The following NTN1 variants were observed in gnomAD, a reference collection of about 807,000 sequenced individuals.
NTN1 encodes the protein netrin 1, also known as netrin-1.
NTN1 carries 11 observed loss-of-function variants against 54.2 expected under a neutral mutation model. The observed-to-expected ratio is 0.20, with a 90% CI of 0.13 to 0.34. The LOEUF (loss-of-function observed/expected upper bound fraction) is 0.34. NTN1 is among the 10% of genes least tolerant of loss of function. The probability of loss-of-function intolerance (pLI) is 1.00; values close to 1 mark genes in which losing one functional copy is unlikely to be tolerated. For synonymous variants in NTN1, 371 were observed against 382.0 expected (o/e 0.97, Z 0.33); for missense variants, 740 against 893.1 (o/e 0.83, Z 2.18).
At chr17:9,071,205 G>C (rs1997095) in intron 2 of NTN1, among the ~76,000 whole-genome samples, 91,471 of 152,018 alleles carry the variant, frequency 0.6, 27,879 homozygotes, top group African/African-American at 0.7. Context: ...CCTGCTCTCT[G>C]TGGGGACAGA....
At chr17:9,182,838 T>C in intron 4 of NTN1, 78 bp from the exon 5 acceptor site, 1 of 1,434,644 alleles carries the variant, frequency 7.0e-7, no homozygotes, top group South Asian at 1.1e-5. Flanking sequence ...TGTGCTGGGC[T>C]CATTCTAAAG....
chr17:9,217,090 C>T lies in NTN1; in HGVS notation c.1412-4078C>T, dbSNP rs76962787. 9.1e-4 allele frequency among the ~76,000 whole-genome samples: 139 copies of T among 152,188 alleles called. 1 individual carries two copies. In the East Asian group the frequency reaches 0.015, roughly 17 times the overall value. On this transcript the variant is annotated intron_variant, in intron 5 of 6. Coordinates refer to ENST00000173229, the MANE Select transcript of NTN1 (RefSeq NM_004822.3). The stretch of plus-strand genomic sequence containing the variant: ...ATAAGGTGACATCTTTGCTGTACTG[C>T]TGTCCTTCTGGTCCCTAGTGGTCCT...
intron 2 of NTN1, among the ~76,000 whole-genome samples, chr17:9,074,194 T>C (rs1156274003): frequency 1.3e-5 from 2 of 152,178 alleles, no homozygotes; most frequent in Non-Finnish European, 2.9e-5. Flanking sequence ...GAGGGAAGCC[T>C]GACAGGGGCG....
At chr17:9,085,531 G>T (rs948254791) in intron 2 of NTN1, among the ~76,000 whole-genome samples, 24 of 152,214 alleles carry the variant, frequency 1.6e-4, no homozygotes, top group Non-Finnish European at 3.4e-4. Context: ...GTGGAGGATG[G>T]ATATTGGCAA....
At chr17:9,229,182 G>GTA (rs1905723006) in intron 6 of NTN1, among the ~76,000 whole-genome samples, 3 of 151,514 alleles carry the variant, frequency 2.0e-5, no homozygotes, top group Non-Finnish European at 4.4e-5. Context: ...GTGTGTGACT[G>GTA]TGCTCTCTTG....
intron 2 of NTN1, among the ~76,000 whole-genome samples, chr17:9,049,758 G>A (rs187923696): frequency 2.2e-4 from 33 of 152,262 alleles, no homozygotes; most frequent in African/African-American, 7.9e-4. Flanking sequence ...ACATGTGCGG[G>A]ACAGTTGGCA....
chr17:9,233,570 C>A (rs1905886531), intron 6 of NTN1, among the ~76,000 whole-genome samples: 1 of 151,952 alleles, frequency 6.6e-6, no homozygotes, highest in East Asian at 1.9e-4. Flanking sequence ...TGGGCCCGGA[C>A]TGGAACTGGG....
At chr17:9,055,259 AAAC>A (rs988608389) in intron 2 of NTN1, among the ~76,000 whole-genome samples, 1 of 152,140 alleles carries the variant, frequency 6.6e-6, no homozygotes, top group Non-Finnish European at 1.5e-5. Context: ...TCACTCACTC[AAAC>A]AACAACTGGT....
chr17:9,025,278 A>G (rs1446821148), intron 2 of NTN1, among the ~76,000 whole-genome samples: 1 of 152,256 alleles, frequency 6.6e-6, no homozygotes, highest in Non-Finnish European at 1.5e-5. Context: ...AATGATGGTC[A>G]TGCACTTGAA....
chr17:9,192,685 C>A (rs1208943432), intron 5 of NTN1, among the ~76,000 whole-genome samples: 3 of 152,206 alleles, frequency 2.0e-5, no homozygotes, highest in Non-Finnish European at 2.9e-5. Context: ...CACACATTCT[C>A]TCCAAAAGCA....
rs375467976 is a variant in NTN1, at chr17:9,162,874, G to A, written c.1080G>A (p.Ser360=). ...TCAACATGGAGCTCTACAAGCTTTCGGGGCGCAAGAGCGGAGGTGTCTGCC... is the reference window on the plus strand; with the variant it reads ...TCAACATGGAGCTCTACAAGCTTTCAGGGCGCAAGAGCGGAGGTGTCTGCC... ...CRFNMELYKL[S]GRKSGGVCLN... Residue 360 remains serine, a synonymous_variant, in exon 3 of 7, where the codon TCG becomes TCA. Transcript: ENST00000173229. The A allele has an allele frequency of 1.2e-4, 187 of 1,613,948 alleles. No individual in the cohort carries two copies. Among genetic ancestry groups the A allele is most frequent in the Middle Eastern group, 1.6e-4 (1 of 6,080 alleles).
chr17:9,223,360 T>G (rs1224529631), intron 6 of NTN1, among the ~76,000 whole-genome samples: 1 of 152,154 alleles, frequency 6.6e-6, no homozygotes, highest in Non-Finnish European at 1.5e-5. Flanking sequence ...GAGACCAGCC[T>G]GGCCAACATG....
intron 2 of NTN1, among the ~76,000 whole-genome samples, chr17:9,157,332 A>T (rs559609101): frequency 1.3e-5 from 2 of 152,336 alleles, no homozygotes; most frequent in East Asian, 3.9e-4. Flanking sequence ...AGAGCTGGGA[A>T]CATAGCTAGA....
At chr17:9,053,744 C>A (rs2091968416) in intron 2 of NTN1, among the ~76,000 whole-genome samples, 1 of 152,208 alleles carries the variant, frequency 6.6e-6, no homozygotes, top group South Asian at 2.1e-4. Context: ...TGGGGGCAGC[C>A]TATTTAGAGA....
intron 2 of NTN1, among the ~76,000 whole-genome samples, chr17:9,100,034 G>C (rs994212652): frequency 6.6e-6 from 1 of 151,090 alleles, no homozygotes; most frequent in Non-Finnish European, 1.5e-5. Flanking sequence ...GGCTGGTCTT[G>C]AACTTCTGAG....
chr17:9,181,659 C>T (rs949036497), intron 4 of NTN1, among the ~76,000 whole-genome samples: 4 of 152,192 alleles, frequency 2.6e-5, no homozygotes, highest in Admixed American at 6.5e-5. Flanking sequence ...GATTTGCCCC[C>T]GGCCTGAGTA....
At chr17:9,207,219 G>A (rs1230047512) in intron 5 of NTN1, among the ~76,000 whole-genome samples, 2 of 152,192 alleles carry the variant, frequency 1.3e-5, no homozygotes, top group Admixed American at 1.3e-4. Flanking sequence ...ACTGCACAGG[G>A]TGACAAGTGC....
chr17:9,048,889 C>A (rs2091950048), intron 2 of NTN1, among the ~76,000 whole-genome samples: 1 of 152,204 alleles, frequency 6.6e-6, no homozygotes, highest in Non-Finnish European at 1.5e-5. Flanking sequence ...CTCCTGACCT[C>A]AGGTGATCCA....
intron 2 of NTN1, among the ~76,000 whole-genome samples, chr17:9,070,888 G>T (rs190060928): frequency 1.3e-5 from 2 of 152,058 alleles, no homozygotes; most frequent in Admixed American, 6.6e-5. Flanking sequence ...CACCGCACCC[G>T]GTCCTGGAGC....
Sources: allele counts gnomAD v4.1 joint callset (sites outside exome capture counted in the v4.1 genomes callset), GRCh38; gene constraint gnomAD v4.1.1; transcripts MANE v1.5; gene names NCBI Gene and HGNC (gene_info 2026-07-23, HGNC 2026-07-21).